SYTL5: variants seen among roughly 807,000 people sequenced by gnomAD.
The protein encoded by SYTL5 is synaptotagmin like 5.
SYTL5 carries 34 observed loss-of-function variants against 55.9 expected under a neutral mutation model. The ratio of observed to expected loss-of-function variants is 0.61; its 90% confidence interval spans 0.46 to 0.81. The LOEUF is 0.81. Among genes scored for constraint, SYTL5 ranks in the 30% least tolerant of loss-of-function variants. The pLI is 0.00. For missense variants in SYTL5, 637 were observed against 546.7 expected, an observed-to-expected ratio of 1.17 and a Z score of -1.65; for synonymous variants, 221 against 188.7, an observed-to-expected ratio of 1.17 and a Z score of -1.40.
chrX:38,094,082 A>C (rs1431844357), intron 7 of SYTL5, among the ~76,000 whole-genome samples: 2 of 111,547 alleles, frequency 1.8e-5, no homozygotes, highest in Non-Finnish European at 3.8e-5. Flanking sequence ...TGCACTAATT[A>C]ACAAACCTCT....
chrX:37,991,211 C>G, the SYTL5 span: 3 of 1,197,702 alleles, frequency 2.5e-6, no homozygotes, highest in Non-Finnish European at 3.4e-6. Context: ...GTCCCAGAGC[C>G]TTGAAGGGAA....
chrX:38,094,316 A>G lies in SYTL5; in HGVS notation c.853A>G (p.Met285Val). The change falls in exon 8 of 17, where the codon ATG becomes GTG. Residue 285 changes from methionine (M) to valine (V), a missense_variant. Met to Val is a conservative substitution (Grantham distance 21). Coordinates refer to ENST00000297875, the MANE Select transcript of SYTL5 (RefSeq NM_138780.3). The stretch of plus-strand genomic sequence containing the variant: ...GAAGGAGTATGGTTTTGAAAATTCC[A>G]TGGATTTGGCTGCTATTGAAGGTAC... ...ISREYGFENS[M>V]DLAAIEGTSQ... The G allele has an allele frequency of 8.3e-7, 1 of 1,201,506 alleles. No homozygotes were observed. Among genetic ancestry groups the G allele is most frequent in the Non-Finnish European group, 1.1e-6 (1 of 888,422 alleles).
At chrX:38,000,536 T>C in the SYTL5 span, among the ~76,000 whole-genome samples, 1 of 111,868 alleles carries the variant, frequency 8.9e-6, no homozygotes, top group African/African-American at 3.3e-5. Context: ...TGGCGGTATC[T>C]AAAGGTGAAT....
intron 9 of SYTL5, 113 bp from the exon 10 acceptor site, chrX:38,102,229 G>T (rs900635640): frequency 2.0e-6 from 1 of 497,633 alleles, no homozygotes; most frequent in Non-Finnish European, 3.4e-6. Flanking sequence ...GTGATTTCTA[G>T]AAATTTTTTA....
intron 2 of SYTL5, among the ~76,000 whole-genome samples, chrX:38,050,335 C>A (rs1338205426): frequency 3.6e-5 from 4 of 111,453 alleles, no homozygotes; most frequent in Non-Finnish European, 7.5e-5. Flanking sequence ...GATGATAAAG[C>A]AAAAAGTCTT....
At chrX:37,957,408 T>A in the SYTL5 span, among the ~76,000 whole-genome samples, 1 of 111,964 alleles carries the variant, frequency 8.9e-6, no homozygotes. Flanking sequence ...AGTTTTAAAG[T>A]TCAGGTCTTA....
chrX:37,897,482 CAAA>C, the SYTL5 span, among the ~76,000 whole-genome samples: 1 of 68,298 alleles, frequency 1.5e-5, no homozygotes, highest in Non-Finnish European at 2.9e-5. Context: ...GACTCCATCT[CAAA>C]AAAAAAAAAA....
intron 13 of SYTL5, among the ~76,000 whole-genome samples, chrX:38,111,651 T>C (rs760786676): frequency 1.8e-5 from 2 of 112,306 alleles, no homozygotes; most frequent in Non-Finnish European, 3.8e-5. Flanking sequence ...CAAGCATGCC[T>C]CTCTAATGAC....
intron 15 of SYTL5, among the ~76,000 whole-genome samples, chrX:38,124,696 G>A (rs1937608551): frequency 8.9e-6 from 1 of 111,893 alleles, no homozygotes; most frequent in South Asian, 3.7e-4. Context: ...ACCACTGTGG[G>A]CAACTGGAGC....
intron 1 of SYTL5, among the ~76,000 whole-genome samples, chrX:38,017,743 C>G (rs767260089): frequency 1.9e-5 from 2 of 107,642 alleles, no homozygotes; most frequent in South Asian, 8.6e-4. Flanking sequence ...TTGAGTTGGT[C>G]TGGAGATATT....
rs760116033 is a variant in SYTL5, at chrX:38,068,668, T to C, written c.330-3379T>C. On this transcript the variant is annotated intron_variant, in intron 3 of 16. Coordinates refer to ENST00000297875, the MANE Select transcript of SYTL5 (RefSeq NM_138780.3). The stretch of plus-strand genomic sequence containing the variant: ...GAGGCCATTATCCTAAGCGAATTAA[T>C]GCAGGAATAGAAAACCAAATACTGC... Among the ~76,000 whole-genome samples, 3 of 111,750 alleles carry C rather than the reference T, an allele frequency of 2.7e-5. No individual in the cohort carries two copies. The Admixed American group carries it at 2.9e-4, about 11-fold the overall frequency.
intron 15 of SYTL5, 91 bp downstream of exon 15, chrX:38,122,306 T>C: frequency 2.4e-6 from 2 of 837,348 alleles, no homozygotes; most frequent in Non-Finnish European, 1.7e-6. Context: ...GAGCCTTCCG[T>C]GTTCTGTTTA....
chrX:37,979,087 T>A, the SYTL5 span, among the ~76,000 whole-genome samples: 1 of 111,498 alleles, frequency 9.0e-6, no homozygotes, highest in East Asian at 2.8e-4. Context: ...GTGAGACAGG[T>A]CTCCATCAAT....
intron 13 of SYTL5, among the ~76,000 whole-genome samples, chrX:38,111,098 A>G (rs1298100531): frequency 2.7e-5 from 3 of 111,897 alleles, no homozygotes; most frequent in Non-Finnish European, 5.6e-5. Context: ...GTCTCTATGC[A>G]TTTACAGTAC....
chrX:38,071,251 T>C (rs1218134767), intron 3 of SYTL5, among the ~76,000 whole-genome samples: 1 of 111,606 alleles, frequency 9.0e-6, no homozygotes, highest in Non-Finnish European at 1.9e-5. Flanking sequence ...AAGAGGATTA[T>C]AAGCATTTCA....
chrX:38,114,255 A>C (rs1410049653), intron 13 of SYTL5, among the ~76,000 whole-genome samples: 1 of 111,400 alleles, frequency 9.0e-6, no homozygotes, highest in Non-Finnish European at 1.9e-5. Flanking sequence ...TGCTTTCTCA[A>C]CCTGGACTAA....
At chrX:37,905,433 G>A in the SYTL5 span, among the ~76,000 whole-genome samples, 1 of 94,389 alleles carries the variant, frequency 1.1e-5, no homozygotes, top group Non-Finnish European at 2.1e-5. Flanking sequence ...CATGGTGTGT[G>A]TGTGTGGGGG....
At chrX:38,118,597 C>T (rs955483544) in intron 13 of SYTL5, among the ~76,000 whole-genome samples, 27 of 111,561 alleles carry the variant, frequency 2.4e-4, no homozygotes, top group Middle Eastern at 4.6e-3. Flanking sequence ...TCTGGGTGCA[C>T]GTGCACATTG....
chrX:38,054,638 G>T (rs868432662), intron 3 of SYTL5, among the ~76,000 whole-genome samples: 2 of 82,722 alleles, frequency 2.4e-5, no homozygotes, highest in Non-Finnish European at 2.2e-5. Flanking sequence ...GAGAGAGAGA[G>T]AGAGAGATAC....
Sources: gnomAD v4.1 joint callset for allele counts (sites outside exome capture counted in the v4.1 genomes callset) on GRCh38, gnomAD v4.1.1 for gene constraint, MANE v1.5 for transcripts, NCBI Gene and HGNC (gene_info 2026-07-23, HGNC 2026-07-21) for gene names.